Variants in ZNF644 observed in about 807,000 individuals in gnomAD.
ZNF644 encodes zinc finger motif enhancer binding protein 2.
ZNF644 carries 20 observed loss-of-function variants against 108.0 expected under a neutral mutation model. The ratio of observed to expected loss-of-function variants is 0.19; its 90% CI spans 0.13 to 0.27. ZNF644 has a LOEUF of 0.27. ZNF644 is among the 10% of genes least tolerant of loss of function. The pLI is 1.00. For synonymous variants in ZNF644, 542 were observed against 539.1 expected (o/e 1.01, Z -0.08); for missense variants, 1,338 against 1,548.9 (o/e 0.86, Z 2.29).
chr1:90,973,160 G>C (rs1224706544), intron 2 of ZNF644: 4 of 151,958 alleles, frequency 2.6e-5, no homozygotes, highest in African/African-American at 9.7e-5. Flanking sequence ...TACCAATGGG[G>C]ATGAGGTGGA....
At position 90,941,230 on chromosome 1, in the gene ZNF644, G is replaced by A. The variant is rs368189709; in HGVS notation, c.124C>T (p.Leu42Phe). 2.4e-5 allele frequency: 39 copies of A among 1,603,676 alleles called. No homozygotes were observed. In the African/African-American group the frequency reaches 4.1e-4, roughly 17 times the overall value. The change falls in exon 3 of 6, where the codon CTC (leucine) becomes TTC (phenylalanine). Residue 42 changes from leucine (L) to phenylalanine (F), a missense_variant. This residue lies in a region of ZNF644 where 464 missense variants were observed against 457.9 expected (regional missense o/e 1.01). Coordinates refer to ENST00000337393, the MANE Select transcript of ZNF644 (RefSeq NM_201269.3). ...NTDITGAKEE[L>F]LDDNNFISDK... ...GAGATAAAATTGTTGTCATCTAGGA[G>A]TTCTTCTTTAGCACCAGTAATATCG...
intron 2 of ZNF644, among the ~76,000 whole-genome samples, chr1:90,963,642 A>C (rs2101156027): frequency 6.6e-6 from 1 of 152,326 alleles, no homozygotes; most frequent in South Asian, 2.1e-4. Flanking sequence ...TCTAACTCTC[A>C]AACATAATGT....
chr1:91,001,534 C>T (rs1467479021), intron 1 of ZNF644, among the ~76,000 whole-genome samples: 3 of 152,146 alleles, frequency 2.0e-5, no homozygotes, highest in Admixed American at 1.3e-4. Context: ...TGGGACGTAT[C>T]TCAAAATAAC....
At chr1:90,991,101 C>T (rs1383364345) in intron 1 of ZNF644, among the ~76,000 whole-genome samples, 2 of 152,134 alleles carry the variant, frequency 1.3e-5, no homozygotes, top group Admixed American at 1.3e-4. Flanking sequence ...AATAATAAAA[C>T]AACCCAATTA....
chr1:90,921,762 C>T (rs909479111), intron 4 of ZNF644, among the ~76,000 whole-genome samples: 2 of 151,662 alleles, frequency 1.3e-5, no homozygotes, highest in African/African-American at 2.4e-5. Context: ...TAGAATATAC[C>T]TTTCAGTAAG....
chr1:91,021,327 GA>G, intron 1 of ZNF644: 1 of 152,562 alleles, frequency 6.6e-6, no homozygotes, highest in Non-Finnish European at 1.5e-5. Context: ...AGGACGGGGG[GA>G]GGGGAGGGCT....
At chr1:91,019,677 T>A (rs1403680075) in intron 1 of ZNF644, among the ~76,000 whole-genome samples, 1 of 152,190 alleles carries the variant, frequency 6.6e-6, no homozygotes, top group Non-Finnish European at 1.5e-5. Flanking sequence ...TTCAAGTGAT[T>A]CTCCTGCCTC....
intron 1 of ZNF644, among the ~76,000 whole-genome samples, chr1:90,982,719 A>G (rs1392164645): frequency 6.6e-6 from 1 of 152,150 alleles, no homozygotes; most frequent in Admixed American, 6.5e-5. Context: ...TTTCTAGATC[A>G]GTATTTATTT....
chr1:90,931,776 T>G (rs1650756461), intron 4 of ZNF644, among the ~76,000 whole-genome samples: 2 of 152,162 alleles, frequency 1.3e-5, no homozygotes, highest in Non-Finnish European at 2.9e-5. Flanking sequence ...ACAATTAGTT[T>G]TGCTATTATG....
Position 90,938,742 on chromosome 1 carries a change from G to A in ZNF644, c.2612C>T (p.Thr871Ile). 1.2e-6 allele frequency: 2 copies of A among 1,613,878 alleles called. No individual in the cohort carries two copies. Among genetic ancestry groups the A allele is most frequent in the Admixed American group, 1.7e-5 (1 of 60,000 alleles). The change falls in exon 3 of 6, where the codon ACA becomes ATA. Residue 871 changes from threonine (T) to isoleucine (I), a missense_variant. This residue lies in a region of ZNF644 where 462 missense variants were observed against 472.6 expected (regional missense o/e 0.98). Transcript: ENST00000337393. The surrounding 1 kb of genome is among the most constrained non-coding windows in gnomAD (Gnocchi z 4.2). ...ATAGGTTTCATCTTCTATGGCCTGTGTAGTGTAGTCTCCTAACTCAACATT... is the reference window on the plus strand; with the variant it reads ...ATAGGTTTCATCTTCTATGGCCTGTATAGTGTAGTCTCCTAACTCAACATT... ...WDNVELGDYT[T>I]QAIEDETYSD...
intron 2 of ZNF644, among the ~76,000 whole-genome samples, chr1:90,956,605 C>T (rs1267623085): frequency 1.3e-5 from 2 of 151,898 alleles, no homozygotes; most frequent in Non-Finnish European, 2.9e-5. Flanking sequence ...GTCAAATTAG[C>T]CATCTCACTT....
At position 90,931,419 on chromosome 1, in the gene ZNF644, A is replaced by G. The variant is rs1171953713; in HGVS notation, c.3688+6066T>C. ...TTACTGCATTCCATAAATAACTAGAATAAACTCTTGAATAAGAAGTCTGCC... is the reference window on the plus strand; with the variant it reads ...TTACTGCATTCCATAAATAACTAGAGTAAACTCTTGAATAAGAAGTCTGCC... On this transcript the variant is annotated intron_variant, in intron 4 of 5. Coordinates refer to ENST00000337393, the MANE Select transcript of ZNF644 (RefSeq NM_201269.3). Among the ~76,000 whole-genome samples the G allele has an allele frequency of 2.0e-5, 3 of 151,666 alleles. 1 individual carries two copies. Among genetic ancestry groups the G allele is most frequent in the South Asian group, 4.1e-4 (2 of 4,824 alleles).
In ZNF644 at chr1:90,938,205, A is replaced by T; in HGVS notation, c.3082+67T>A. The T allele has an allele frequency of 6.2e-7, 1 of 1,611,758 alleles. No homozygotes were observed. Among genetic ancestry groups the T allele is most frequent in the Non-Finnish European group, 8.5e-7 (1 of 1,178,482 alleles). ...TTCTAATAAAGACTAAATTCAAAAAAAACTTTTAAATCTTCAGAATTAGAA... is the reference window on the plus strand; with the variant it reads ...TTCTAATAAAGACTAAATTCAAAAATAACTTTTAAATCTTCAGAATTAGAA... On this transcript the variant is annotated intron_variant, in intron 3 of 5. Transcript: ENST00000337393. This position sits in a 1 kb window ranked among gnomAD's most constrained non-coding sequence, Gnocchi z 4.2.
At chr1:90,937,431 C>T in intron 4 of ZNF644, 54 bp downstream of exon 4, 2 of 1,610,054 alleles carry the variant, frequency 1.2e-6, no homozygotes, top group Non-Finnish European at 1.7e-6. Flanking sequence ...TTAAAGAAGG[C>T]ATAATTGAAC....
At chr1:91,007,236 T>G (rs1160635289) in intron 1 of ZNF644, among the ~76,000 whole-genome samples, 19 of 135,694 alleles carry the variant, frequency 1.4e-4, no homozygotes, top group Non-Finnish European at 2.5e-4. Flanking sequence ...TTTTTTTTTT[T>G]TTTTTTTTTT....
At chr1:90,997,109 G>T (rs925234456) in intron 1 of ZNF644, among the ~76,000 whole-genome samples, 5 of 152,164 alleles carry the variant, frequency 3.3e-5, no homozygotes, top group Non-Finnish European at 7.4e-5. Context: ...AAAGCTGGGG[G>T]CTTTGTAAAG....
intron 4 of ZNF644, among the ~76,000 whole-genome samples, chr1:90,921,594 C>A (rs1398806661): frequency 6.6e-6 from 1 of 151,974 alleles, no homozygotes; most frequent in East Asian, 1.9e-4. Context: ...CCTAAGATTA[C>A]TATTCGGTGG....
intron 1 of ZNF644, among the ~76,000 whole-genome samples, chr1:91,000,750 GT>G (rs1168266928): frequency 2.0e-5 from 3 of 152,064 alleles, no homozygotes; most frequent in African/African-American, 4.8e-5. Context: ...CCAGGAGCTG[GT>G]TTTTTGAAAA....
chr1:90,922,068 CAAT>C (rs950856836), intron 4 of ZNF644, among the ~76,000 whole-genome samples: 1 of 152,136 alleles, frequency 6.6e-6, no homozygotes, highest in Non-Finnish European at 1.5e-5. Context: ...CCATTTTATA[CAAT>C]AATTGCTTCA....
Sources: allele counts gnomAD v4.1 joint callset (sites outside exome capture counted in the v4.1 genomes callset), GRCh38; gene constraint gnomAD v4.1.1; regional missense constraint gnomAD v4.1.1; non-coding constraint Gnocchi (gnomAD v3.1); transcripts MANE v1.5; gene names NCBI Gene and HGNC (gene_info 2026-07-23, HGNC 2026-07-21).